Variants in CREB5 observed in about 807,000 individuals in gnomAD.
The protein encoded by CREB5 is cyclic AMP-responsive element-binding protein 5.
Under a neutral mutation model 57.1 loss-of-function variants are expected in CREB5, and 19 were observed. That is an observed-to-expected ratio of 0.33 (90% CI 0.23 to 0.49). CREB5 has a LOEUF of 0.49. Ranked by LOEUF, CREB5 falls within the 20% of genes least tolerant of loss-of-function variation. The probability of loss-of-function intolerance (pLI) is 0.99; values close to 1 mark genes in which losing one functional copy is unlikely to be tolerated. For missense variants in CREB5, 579 were observed against 671.6 expected, an observed-to-expected ratio of 0.86 and a Z score of 1.52; for synonymous variants, 238 against 238.3, an observed-to-expected ratio of 1.00 and a Z score of 0.01.
In CREB5 at chr7:28,386,494, G is replaced by A. The variant is rs75827243; in HGVS notation, c.-25+87053G>A. 4.9e-3 allele frequency among the ~76,000 whole-genome samples: 749 copies of A among 152,132 alleles called. 13 individuals are homozygous for A. Among genetic ancestry groups the A allele is most frequent in the African/African-American group, 0.017 (716 of 41,482 alleles). On this transcript the variant is annotated intron_variant, in intron 1 of 9. Transcript: ENST00000396299. ...CTGGTGTTTTGCAGCTTCGTTGATGGGTGTAGGTGTGAATTTCTTATTATT... is the reference window on the plus strand; with the variant it reads ...CTGGTGTTTTGCAGCTTCGTTGATGAGTGTAGGTGTGAATTTCTTATTATT...
In CREB5 at chr7:28,825,801, C is replaced by G. The variant is rs1158373221; in HGVS notation, c.*6522C>G. On this transcript the variant is annotated 3_prime_UTR_variant, in exon 11 of 11. Transcript: ENST00000357727. ...GTTCAACTAGGTCAGATTTTTACAT[C>G]TCTTTCTAGCAAGAAGAGACAAGAT... is the stretch of plus-strand genomic sequence containing the variant. 6.6e-6 allele frequency: 1 copy of G among 152,614 alleles called. No homozygotes were observed. The highest frequency in any genetic ancestry group is 2.4e-5 in the African/African-American group (1 of 41,450). The allele number at this position is 152,614 out of a possible 1,614,324, so 9.5% of individuals were successfully genotyped here.
chr7:28,448,992 T>G (rs945008051), intron 1 of CREB5, among the ~76,000 whole-genome samples: 1 of 152,242 alleles, frequency 6.6e-6, no homozygotes, highest in African/African-American at 2.4e-5. Flanking sequence ...AATGAAACTC[T>G]GGCTTCTTAA....
chr7:28,560,825 C>CGCGCGTGTGCATGCGTGCGTGT (rs1795083600), intron 4 of CREB5, among the ~76,000 whole-genome samples: 6 of 37,494 alleles, frequency 1.6e-4, no homozygotes, highest in African/African-American at 4.3e-4. Flanking sequence ...TGTGTGTGCG[C>CGCGCGTGTGCATGCGTGCGTGT]GCGCGCGCGT....
chr7:28,572,772 T>C (rs1290350209), intron 5 of CREB5, among the ~76,000 whole-genome samples: 1 of 152,188 alleles, frequency 6.6e-6, no homozygotes, highest in East Asian at 1.9e-4. Context: ...GGACTGTACA[T>C]TTGGGTGACA....
chr7:28,364,574 T>A lies in CREB5; in HGVS notation c.-25+65133T>A, dbSNP rs548279357. Among the ~76,000 whole-genome samples, 32 of 152,288 alleles carry A rather than the reference T, an allele frequency of 2.1e-4. No homozygotes were observed. In the South Asian group the frequency reaches 4.1e-3, roughly 20 times the overall value. ...AAGCTCAAGCCTCCTGGGCCCTCCA[T>A]CATGCTCCAGACCCCCTCCAGTGTT... is the stretch of plus-strand genomic sequence containing the variant. On this transcript the variant is annotated intron_variant, in intron 1 of 9. Transcript: ENST00000396299.
At chr7:28,591,347 T>A (rs957603535) in intron 5 of CREB5, among the ~76,000 whole-genome samples, 2 of 152,216 alleles carry the variant, frequency 1.3e-5, no homozygotes, top group African/African-American at 2.4e-5. Flanking sequence ...TTGCCCTCCA[T>A]ATTAAATCAG....
intron 4 of CREB5, among the ~76,000 whole-genome samples, chr7:28,529,663 T>C (rs182766455): frequency 8.6e-4 from 131 of 152,332 alleles, no homozygotes; most frequent in African/African-American, 3.1e-3. Flanking sequence ...CCTTGCTCTA[T>C]GGCCCTCTGA....
intron 4 of CREB5, among the ~76,000 whole-genome samples, chr7:28,514,193 C>T (rs76731557): frequency 6.6e-6 from 1 of 152,004 alleles, no homozygotes; most frequent in Non-Finnish European, 1.5e-5. Context: ...TTATCTTTTG[C>T]GACTGGGGAC....
At chr7:28,496,567 A>G (rs1419558218) in intron 3 of CREB5, among the ~76,000 whole-genome samples, 1 of 152,024 alleles carries the variant, frequency 6.6e-6, no homozygotes, top group Non-Finnish European at 1.5e-5. Flanking sequence ...AGGGCCCTTG[A>G]TCCTGCAGTC....
At chr7:28,644,930 A>G (rs996535243) in intron 5 of CREB5, among the ~76,000 whole-genome samples, 2 of 152,180 alleles carry the variant, frequency 1.3e-5, no homozygotes, top group South Asian at 2.1e-4. Context: ...GTTTATGCCA[A>G]TTAGAGGAAA....
chr7:28,605,294 T>C (rs1797088093), intron 5 of CREB5, among the ~76,000 whole-genome samples: 1 of 152,216 alleles, frequency 6.6e-6, no homozygotes, highest in South Asian at 2.1e-4. Context: ...GAGAGCAATG[T>C]TGATAGATTC....
intron 7 of CREB5, among the ~76,000 whole-genome samples, chr7:28,737,613 C>CTTCTGTTTCTTT (rs1372993558): frequency 1.6e-5 from 2 of 126,342 alleles, no homozygotes; most frequent in Non-Finnish European, 3.2e-5. Flanking sequence ...TCAAAGGATA[C>CTTCTGTTTCTTT]TTCTGTTTCT....
In CREB5 at chr7:28,309,985, A is replaced by T. The variant is rs145815025; in HGVS notation, c.-25+10544A>T. On this transcript the variant is annotated intron_variant, in intron 1 of 9. Coordinates refer to the CREB5 transcript ENST00000396299. ...GTGGGGGGTCCAGAGAAGGGCGGGA[A>T]CACTTTCTACTGGAGGAGGGATGAA... Among the ~76,000 whole-genome samples the T allele has an allele frequency of 1.7e-3, 253 of 152,282 alleles. 10 individuals are homozygous for T. The East Asian group carries it at 0.045, about 27-fold the overall frequency.
intron 5 of CREB5, among the ~76,000 whole-genome samples, chr7:28,660,331 T>C (rs995333356): frequency 2.6e-5 from 4 of 152,026 alleles, no homozygotes; most frequent in African/African-American, 9.7e-5. Flanking sequence ...GGAAATTATT[T>C]TGAACCTAGC....
At chr7:28,674,106 C>A (rs561221994) in intron 5 of CREB5, among the ~76,000 whole-genome samples, 1 of 150,518 alleles carries the variant, frequency 6.6e-6, no homozygotes, top group Non-Finnish European at 1.5e-5. Flanking sequence ...TTTGGACTCA[C>A]GCAGATTTTT....
intron 1 of CREB5, among the ~76,000 whole-genome samples, chr7:28,417,330 C>T (rs1206409573): frequency 6.6e-6 from 1 of 150,754 alleles, no homozygotes; most frequent in Admixed American, 6.6e-5. Context: ...TAATGTACTA[C>T]TTTACATTCT....
At position 28,421,759 on chromosome 7, in the gene CREB5, T is replaced by TAC. The variant is rs1562705505; in HGVS notation, c.3+8851_3+8852dup. Among the ~76,000 whole-genome samples, 13 of 34,796 alleles carry TAC rather than the reference T, an allele frequency of 3.7e-4. No homozygotes were observed. In the Admixed American group the frequency reaches 4.0e-3, roughly 11 times the overall value. 22.8% of individuals were successfully genotyped at this position (34,796 alleles called of 152,430 possible). ...GCCTTTAGCACCATATATATATACA[T>TAC]ACACACACACTATATATATATATAC... On this transcript the variant is annotated intron_variant, in intron 1 of 10. Coordinates refer to ENST00000357727, the MANE Select transcript of CREB5 (RefSeq NM_182898.4).
chr7:28,449,162 A>G (rs578092226), intron 1 of CREB5, among the ~76,000 whole-genome samples: 31 of 152,094 alleles, frequency 2.0e-4, no homozygotes, highest in African/African-American at 6.3e-4. Context: ...AAATATTATC[A>G]TTTCCCCTGA....
intron 1 of CREB5, among the ~76,000 whole-genome samples, chr7:28,467,571 G>C (rs1790642583): frequency 6.6e-6 from 1 of 152,160 alleles, no homozygotes; most frequent in Non-Finnish European, 1.5e-5. Flanking sequence ...AAAATGGGTT[G>C]CTGCTCCTGG....
Sources: gnomAD v4.1 joint callset for allele counts (sites outside exome capture counted in the v4.1 genomes callset) on GRCh38, gnomAD v4.1.1 for gene constraint, MANE v1.5 for transcripts, NCBI Gene and HGNC (gene_info 2026-07-23, HGNC 2026-07-21) for gene names.